CHRM2: variants seen among roughly 807,000 people sequenced by gnomAD.
CHRM2 encodes the protein cholinergic receptor muscarinic 2.
A neutral mutation model predicts 25.0 loss-of-function variants in CHRM2; 8 were observed. The observed-to-expected ratio is 0.32, with a 90% CI of 0.19 to 0.58. The LOEUF (loss-of-function observed/expected upper bound fraction) is 0.58. Among genes scored for constraint, CHRM2 ranks in the 20% least tolerant of loss-of-function variants. The pLI is 0.88. For synonymous variants in CHRM2, 202 were observed against 205.7 expected, an observed-to-expected ratio of 0.98 and a Z score of 0.15; for missense variants, 440 against 567.1, an observed-to-expected ratio of 0.78 and a Z score of 2.28.
chr7:136,944,689 G>A (rs529844277), intron 2 of CHRM2, among the ~76,000 whole-genome samples: 1 of 152,106 alleles, frequency 6.6e-6, no homozygotes, highest in African/African-American at 2.4e-5. Context: ...TGACACCCAG[G>A]TGTGGGATTA....
At chr7:136,958,913 T>C (rs1003844892) in intron 2 of CHRM2, among the ~76,000 whole-genome samples, 1 of 152,236 alleles carries the variant, frequency 6.6e-6, no homozygotes, top group Admixed American at 6.5e-5. Flanking sequence ...GACAGTAATA[T>C]TACTATTCCA....
intron 2 of CHRM2, among the ~76,000 whole-genome samples, chr7:136,942,071 G>A (rs1799804935): frequency 6.6e-6 from 1 of 152,176 alleles, no homozygotes; most frequent in Non-Finnish European, 1.5e-5. Flanking sequence ...CACACCTCAA[G>A]AGGAAGTGGG....
At chr7:136,986,820 C>G (rs1352132401) in intron 2 of CHRM2, among the ~76,000 whole-genome samples, 1 of 152,086 alleles carries the variant, frequency 6.6e-6, no homozygotes, top group African/African-American at 2.4e-5. Flanking sequence ...CGTTTTTGTT[C>G]CAGATTGAAC....
chr7:137,014,915 C>T lies in CHRM2; in HGVS notation c.50C>T (p.Pro17Leu), dbSNP rs371019456. Residue 17 changes from proline (P) to leucine (L), a missense_variant, in exon 4 of 4, where the codon CCT (proline) becomes CTT (leucine). Transcript: ENST00000680005. ...SSNNSLALTS[P>L]YKTFEVVFIV... ...AACAATAGCCTGGCTCTTACAAGTC[C>T]TTATAAGACATTTGAAGTGGTGTTT... is the stretch of plus-strand genomic sequence containing the variant. 8.1e-6 allele frequency: 13 copies of T among 1,612,998 alleles called. No homozygotes were observed. Among genetic ancestry groups the T allele is most frequent in the South Asian group, 2.2e-5 (2 of 91,066 alleles).
chr7:136,945,998 G>A (rs1490475623), intron 2 of CHRM2, among the ~76,000 whole-genome samples: 1 of 152,070 alleles, frequency 6.6e-6, no homozygotes, highest in African/African-American at 2.4e-5. Flanking sequence ...ATGTTGAAAT[G>A]GAAAGAGAAC....
intron 2 of CHRM2, among the ~76,000 whole-genome samples, chr7:136,884,142 T>C (rs1796369374): frequency 6.6e-6 from 1 of 152,170 alleles, no homozygotes; most frequent in Admixed American, 6.5e-5. Context: ...AATTACACAA[T>C]GAGTTTGTTC....
chr7:136,926,535 A>C (rs1798760130), intron 2 of CHRM2, among the ~76,000 whole-genome samples: 1 of 152,190 alleles, frequency 6.6e-6, no homozygotes, highest in Admixed American at 6.5e-5. Flanking sequence ...GACTATTTCT[A>C]ACTAGGTACT....
At position 137,015,192 on chromosome 7, in the gene CHRM2, C is replaced by T; in HGVS notation, c.327C>T (p.Ala109=). The change falls in exon 4 of 4, where the codon GCC becomes GCT. Residue 109 remains alanine (A), a synonymous_variant. Transcript: ENST00000680005. This position sits in a 1 kb window ranked among gnomAD's most constrained non-coding sequence, Gnocchi z 5.1. ...CCCTGGACTATGTGGTCAGCAATGC[C>T]TCAGTTATGAATCTGCTCATCATCA... ...WLALDYVVSN[A]SVMNLLIISF... The T allele has an allele frequency of 2.5e-6, 4 of 1,613,428 alleles. No individual in the cohort carries two copies. Among genetic ancestry groups the T allele is most frequent in the Non-Finnish European group, 3.4e-6 (4 of 1,179,630 alleles).
intron 2 of CHRM2, among the ~76,000 whole-genome samples, chr7:136,896,846 T>G (rs1382945377): frequency 6.6e-6 from 1 of 151,856 alleles, no homozygotes; most frequent in Non-Finnish European, 1.5e-5. Context: ...TTTAACAAAG[T>G]TGAGGTTAGG....
rs150294327 is a variant in CHRM2 at position 136,981,709 on chromosome 7, A to G, written c.-124-10478A>G. On this transcript the variant is annotated intron_variant, in intron 2 of 3. Coordinates refer to ENST00000680005, the MANE Select transcript of CHRM2 (RefSeq NM_001006630.2). ...TCTACCTTAATTTCGCTATTTACCCAGTAGTTTTTCAGGAGTAGGTTGTTC... is the reference window on the plus strand; with the variant it reads ...TCTACCTTAATTTCGCTATTTACCCGGTAGTTTTTCAGGAGTAGGTTGTTC... Among the ~76,000 whole-genome samples, 6 of 152,258 alleles carry G rather than the reference A, an allele frequency of 3.9e-5. No individual in the cohort carries two copies. In the East Asian group the frequency reaches 1.2e-3, roughly 29 times the overall value.
At chr7:137,006,628 T>C (rs557964476) in intron 3 of CHRM2, among the ~76,000 whole-genome samples, 1 of 152,240 alleles carries the variant, frequency 6.6e-6, no homozygotes, top group East Asian at 1.9e-4. Flanking sequence ...GCTACTTTCA[T>C]TCTGTTCTAT....
rs529879266 is a variant in CHRM2, at chr7:136,966,190, T to TC, written c.-124-25997_-124-25996insC. Among the ~76,000 whole-genome samples the TC allele has an allele frequency of 2.6e-5, 4 of 151,794 alleles. No individual in the cohort carries two copies. In the East Asian group the frequency reaches 5.8e-4, roughly 22 times the overall value. ...AAATGTTTGTCTTCTGCAAATTTTT[T>TC]TTTTTAATTAGTGAGTTTACTTTAC... On this transcript the variant is annotated intron_variant, in intron 2 of 3. Coordinates refer to ENST00000680005, the MANE Select transcript of CHRM2 (RefSeq NM_001006630.2).
intron 2 of CHRM2, among the ~76,000 whole-genome samples, chr7:136,893,294 C>T (rs1018086497): frequency 1.3e-5 from 2 of 152,112 alleles, no homozygotes; most frequent in Admixed American, 1.3e-4. Context: ...AGGGGAACAG[C>T]AAGATTTATC....
intron 2 of CHRM2, among the ~76,000 whole-genome samples, chr7:136,919,827 T>C (rs1453068908): frequency 2.0e-5 from 3 of 152,132 alleles, no homozygotes; most frequent in Non-Finnish European, 4.4e-5. Flanking sequence ...ACCTTAACTT[T>C]TATTATTTTG....
chr7:136,997,338 T>G (rs1255909785), intron 3 of CHRM2, among the ~76,000 whole-genome samples: 1 of 152,178 alleles, frequency 6.6e-6, no homozygotes, highest in Non-Finnish European at 1.5e-5. Context: ...TCTTCACTGT[T>G]TTATCCCCTG....
intron 2 of CHRM2, among the ~76,000 whole-genome samples, chr7:136,950,548 C>T (rs984544028): frequency 2.8e-4 from 42 of 151,964 alleles, no homozygotes; most frequent in African/African-American, 9.4e-4. Flanking sequence ...GTGGAAAGTC[C>T]CCAATCTCAA....
intron 2 of CHRM2, chr7:136,870,467 G>A (rs1795779146): frequency 1.3e-5 from 2 of 152,354 alleles, no homozygotes; most frequent in Non-Finnish European, 2.9e-5. Context: ...TGACACACAC[G>A]GCGGCACACC....
intron 2 of CHRM2, among the ~76,000 whole-genome samples, chr7:136,979,839 C>T (rs554084573): frequency 1.2e-4 from 18 of 152,068 alleles, no homozygotes; most frequent in Admixed American, 3.9e-4. Flanking sequence ...TGCTGTTTGG[C>T]TACTGTGGCC....
At chr7:137,008,688 T>G (rs1804611195) in intron 3 of CHRM2, among the ~76,000 whole-genome samples, 1 of 151,918 alleles carries the variant, frequency 6.6e-6, no homozygotes, top group Admixed American at 6.6e-5. Context: ...GATTACATTT[T>G]TAAAACAAAA....
Sources: allele counts gnomAD v4.1 joint callset (sites outside exome capture counted in the v4.1 genomes callset), GRCh38; gene constraint gnomAD v4.1.1; non-coding constraint Gnocchi (gnomAD v3.1); transcripts MANE v1.5; gene names NCBI Gene and HGNC (gene_info 2026-07-23, HGNC 2026-07-21).